The following CDH4 variants were observed in gnomAD, a reference collection of about 807,000 sequenced individuals.
The protein encoded by CDH4 is cadherin-4.
A neutral mutation model predicts 86.0 loss-of-function variants in CDH4; 33 were observed. The observed-to-expected ratio is 0.38, with a 90% CI of 0.29 to 0.51. The LOEUF (loss-of-function observed/expected upper bound fraction) is 0.51, where lower values mean the gene tolerates loss of function less well. Ranked by LOEUF, CDH4 falls within the 20% of genes least tolerant of loss-of-function variation. The probability of loss-of-function intolerance (pLI) is 0.86; values close to 1 mark genes in which losing one functional copy is unlikely to be tolerated. For synonymous variants in CDH4, 555 were observed against 549.4 expected (o/e 1.01, Z -0.14); for missense variants, 1,114 against 1,307.4 (o/e 0.85, Z 2.28).
At chr20:61,411,311 C>T (rs1347180526) in intron 2 of CDH4, among the ~76,000 whole-genome samples, 1 of 149,020 alleles carries the variant, frequency 6.7e-6, no homozygotes, top group Non-Finnish European at 1.5e-5. Flanking sequence ...CATTACATCC[C>T]CACTGAGCAT....
intron 2 of CDH4, among the ~76,000 whole-genome samples, chr20:61,550,034 TC>T (rs1379310710): frequency 6.6e-6 from 1 of 150,654 alleles, no homozygotes; most frequent in Non-Finnish European, 1.5e-5. Flanking sequence ...TGTCCTGGCC[TC>T]CCTGGCCTCC....
chr20:61,931,814 T>C (rs1252659248), intron 13 of CDH4, among the ~76,000 whole-genome samples: 2 of 152,114 alleles, frequency 1.3e-5, no homozygotes, highest in Non-Finnish European at 2.9e-5. Context: ...CCAGTTCAGC[T>C]TGGGGGAGAG....
At chr20:61,743,099 G>GC (rs930823376) in intron 2 of CDH4, among the ~76,000 whole-genome samples, 4 of 152,206 alleles carry the variant, frequency 2.6e-5, no homozygotes, top group African/African-American at 9.6e-5. Context: ...GCTCTCTCTT[G>GC]CTCCTTCCTT....
intron 2 of CDH4, among the ~76,000 whole-genome samples, chr20:61,491,670 T>A (rs531333958): frequency 6.6e-6 from 1 of 152,222 alleles, no homozygotes; most frequent in Non-Finnish European, 1.5e-5. Flanking sequence ...TTTTCGTTGG[T>A]GGTATTGATG....
intron 2 of CDH4, among the ~76,000 whole-genome samples, chr20:61,739,629 G>C (rs1600933754): frequency 6.6e-6 from 1 of 152,242 alleles, no homozygotes; most frequent in Non-Finnish European, 1.5e-5. Flanking sequence ...TCCAGAGTGC[G>C]GGTCCTGGAT....
At chr20:61,594,683 G>T (rs867456849) in intron 2 of CDH4, among the ~76,000 whole-genome samples, 30 of 152,288 alleles carry the variant, frequency 2.0e-4, no homozygotes, top group African/African-American at 5.8e-4. Flanking sequence ...GAGAATAAAT[G>T]TGCGTCTTTA....
At chr20:61,768,701 T>C (rs2088732454) in intron 3 of CDH4, among the ~76,000 whole-genome samples, 1 of 152,308 alleles carries the variant, frequency 6.6e-6, no homozygotes, top group Non-Finnish European at 1.5e-5. Context: ...CTAATTGTGG[T>C]TGACATTTTC....
intron 12 of CDH4, among the ~76,000 whole-genome samples, chr20:61,929,277 A>C (rs780062175): frequency 2.6e-5 from 4 of 151,966 alleles, no homozygotes; most frequent in African/African-American, 4.8e-5. Flanking sequence ...AGCTGAGATC[A>C]CAGGCTTGCA....
At chr20:61,560,071 C>A (rs894512915) in intron 2 of CDH4, among the ~76,000 whole-genome samples, 1 of 152,204 alleles carries the variant, frequency 6.6e-6, no homozygotes, top group Non-Finnish European at 1.5e-5. Flanking sequence ...AGGAGATCGA[C>A]CCTGCCACTC....
chr20:61,369,450 CAAAAAAAAAAAAAAAA>C (rs144885482), intron 2 of CDH4, among the ~76,000 whole-genome samples: 7 of 56,622 alleles, frequency 1.2e-4, no homozygotes, highest in East Asian at 1.2e-3. Context: ...GACTCTGTCT[CAAAAAAAAAAAAAAAA>C]AAAAAAAAAA....
chr20:61,870,458 C>G (rs1218716895), intron 6 of CDH4, among the ~76,000 whole-genome samples: 1 of 152,168 alleles, frequency 6.6e-6, no homozygotes, highest in African/African-American at 2.4e-5. Context: ...TCAGTGAGTA[C>G]AACAGACAGT....
chr20:61,923,829 C>A, intron 10 of CDH4, 125 bp downstream of exon 10: 1 of 1,201,814 alleles, frequency 8.3e-7, no homozygotes, highest in Non-Finnish European at 1.1e-6. Context: ...GGGGCATCTC[C>A]AACCTAAGGC....
At chr20:61,567,110 A>G (rs1247395045) in intron 2 of CDH4, among the ~76,000 whole-genome samples, 5 of 152,170 alleles carry the variant, frequency 3.3e-5, no homozygotes, top group Admixed American at 6.5e-5. Flanking sequence ...CCAAGCTGCC[A>G]TCCAAAAATC....
rs528549852 is a variant in CDH4 at position 61,878,122 on chromosome 20, A to G, written c.1050+4222A>G. Reference sequence around the variant, plus strand: ...GGCCTGGGGCAGCTGGGGCAAAGCTAAGGCCCCATCGTGGCCATGGCGTCC... The same window carrying G: ...GGCCTGGGGCAGCTGGGGCAAAGCTGAGGCCCCATCGTGGCCATGGCGTCC... On this transcript the variant is annotated intron_variant, in intron 7 of 15. Transcript: ENST00000614565. Among the ~76,000 whole-genome samples, 10 of 152,170 alleles carry G rather than the reference A, an allele frequency of 6.6e-5. No homozygotes were observed. The East Asian group carries it at 1.9e-3, about 29-fold the overall frequency.
chr20:61,798,610 C>T (rs985059003), intron 4 of CDH4, among the ~76,000 whole-genome samples: 1 of 152,334 alleles, frequency 6.6e-6, no homozygotes, highest in South Asian at 2.1e-4. Flanking sequence ...AATGCCACCT[C>T]GGCCAGGCCC....
intron 14 of CDH4, among the ~76,000 whole-genome samples, 171 bp downstream of exon 14, chr20:61,933,295 T>C (rs903446767): frequency 5.3e-5 from 8 of 152,346 alleles, no homozygotes; most frequent in East Asian, 3.9e-4. Flanking sequence ...CTGTGTACAC[T>C]GCACCTGCAT....
intron 8 of CDH4, among the ~76,000 whole-genome samples, chr20:61,908,849 G>T (rs1429098342): frequency 6.6e-6 from 1 of 152,224 alleles, no homozygotes; most frequent in African/African-American, 2.4e-5. Flanking sequence ...GTCCCAACGG[G>T]CCCAGCCACC....
At chr20:61,278,196 A>G (rs1337445205) in intron 2 of CDH4, among the ~76,000 whole-genome samples, 1 of 152,218 alleles carries the variant, frequency 6.6e-6, no homozygotes. Flanking sequence ...TTCCCTGAGT[A>G]ACTCCATTGC....
At chr20:61,692,241 ATGTG>A (rs1555825699) in intron 2 of CDH4, among the ~76,000 whole-genome samples, 2 of 97,422 alleles carry the variant, frequency 2.1e-5, no homozygotes, top group Non-Finnish European at 5.2e-5. Flanking sequence ...GTGTGTATGT[ATGTG>A]TGTGTATGTG....
Sources: allele counts gnomAD v4.1 joint callset (sites outside exome capture counted in the v4.1 genomes callset), GRCh38; gene constraint gnomAD v4.1.1; transcripts MANE v1.5; gene names NCBI Gene and HGNC (gene_info 2026-07-23, HGNC 2026-07-21).